Variants in TMEM163 observed in about 807,000 individuals in gnomAD.
TMEM163 encodes the protein transmembrane protein 163.
Under a neutral mutation model 29.3 loss-of-function variants are expected in TMEM163, and 17 were observed. That is an observed-to-expected ratio of 0.58 (90% CI 0.40 to 0.87). The LOEUF (loss-of-function observed/expected upper bound fraction) is 0.87, where lower values mean the gene tolerates loss of function less well. Among genes scored for constraint, TMEM163 ranks in the 40% least tolerant of loss-of-function variants. The probability of loss-of-function intolerance (pLI) is 0.00; values close to 1 mark genes in which losing one functional copy is unlikely to be tolerated. For synonymous variants in TMEM163, 157 were observed against 160.6 expected (o/e 0.98, Z 0.17); for missense variants, 303 against 381.5 (o/e 0.79, Z 1.71).
intron 2 of TMEM163, among the ~76,000 whole-genome samples, chr2:134,593,303 A>G (rs552144430): frequency 6.6e-6 from 1 of 152,314 alleles, no homozygotes; most frequent in African/African-American, 2.4e-5. Context: ...CATTCACTTA[A>G]GATTGCATTA....
chr2:134,480,644 C>G (rs1687032073), intron 5 of TMEM163, among the ~76,000 whole-genome samples: 1 of 152,094 alleles, frequency 6.6e-6, no homozygotes, highest in Non-Finnish European at 1.5e-5. Context: ...TGGGATAAAG[C>G]AGTCAGTGGC....
chr2:134,516,780 C>CATATATACATGCATATATATGAAT (rs1553476347), intron 4 of TMEM163, among the ~76,000 whole-genome samples: 22 of 139,460 alleles, frequency 1.6e-4, no homozygotes, highest in Admixed American at 7.4e-5. Flanking sequence ...CATATCTATT[C>CATATATACATGCATATATATGAAT]ATATATATAT....
chr2:134,611,194 G>A (rs1330032168), intron 2 of TMEM163, among the ~76,000 whole-genome samples: 2 of 152,152 alleles, frequency 1.3e-5, no homozygotes, highest in African/African-American at 4.8e-5. Flanking sequence ...GTAGAATCCA[G>A]GCTGTCCCAA....
chr2:134,568,970 T>C (rs1681362184), intron 2 of TMEM163, among the ~76,000 whole-genome samples: 1 of 152,176 alleles, frequency 6.6e-6, no homozygotes, highest in Admixed American at 6.5e-5. Context: ...CTCCATGAAA[T>C]CACTATGCCA....
chr2:134,458,543 A>C (rs553141878), intron 6 of TMEM163: 1 of 204,970 alleles, frequency 4.9e-6, no homozygotes, highest in African/African-American at 2.2e-5. Context: ...CACAGTAGAC[A>C]TTCAAATACT....
chr2:134,642,395 C>A lies in TMEM163; in HGVS notation c.322+70805G>T, dbSNP rs1022762054. Among the ~76,000 whole-genome samples, 9 of 152,224 alleles carry A rather than the reference C, an allele frequency of 5.9e-5. 1 individual carries two copies. The South Asian group carries it at 1.9e-3, about 32-fold the overall frequency. On this transcript the variant is annotated intron_variant, in intron 2 of 7. Transcript: ENST00000281924. The stretch of plus-strand genomic sequence containing the variant: ...TCCACCCGCCTTGACCTCCCACAGT[C>A]CTGGCATTACAGGCACGAGCCACCG...
intron 2 of TMEM163, among the ~76,000 whole-genome samples, chr2:134,649,884 T>C (rs1172497957): frequency 6.6e-6 from 1 of 151,496 alleles, no homozygotes; most frequent in Non-Finnish European, 1.5e-5. Flanking sequence ...CACAGGCCTG[T>C]AGTCCCAGCT....
chr2:134,483,294 G>A (rs1374630924), intron 5 of TMEM163, among the ~76,000 whole-genome samples: 2 of 152,068 alleles, frequency 1.3e-5, no homozygotes, highest in African/African-American at 2.4e-5. Context: ...TCCCTCCCCT[G>A]GTGGCCGTCG....
chr2:134,569,474 C>T (rs551615877), intron 2 of TMEM163, among the ~76,000 whole-genome samples: 1 of 152,292 alleles, frequency 6.6e-6, no homozygotes, highest in South Asian at 2.1e-4. Context: ...AAAAAGAACA[C>T]TTGGAAAACA....
chr2:134,521,451 A>G (rs1680187705), intron 4 of TMEM163, among the ~76,000 whole-genome samples: 4 of 152,190 alleles, frequency 2.6e-5, no homozygotes, highest in Admixed American at 2.6e-4. Context: ...GCCTCTGGTG[A>G]GTAGAGCTCA....
At chr2:134,574,437 G>A (rs1003544102) in intron 2 of TMEM163, among the ~76,000 whole-genome samples, 35 of 152,048 alleles carry the variant, frequency 2.3e-4, no homozygotes, top group Admixed American at 5.2e-4. Flanking sequence ...GCATGCACCT[G>A]TAGTCCCAGC....
Position 134,616,840 on chromosome 2 carries a change from C to T in TMEM163, c.323-64749G>A, listed in dbSNP as rs116141814. ...AATTCTTATGAATTTACAAATATTT[C>T]AAAATAAAATGGTTTTTAAAATGAA... On this transcript the variant is annotated intron_variant, in intron 2 of 7. Coordinates refer to ENST00000281924, the MANE Select transcript of TMEM163 (RefSeq NM_030923.5). Among the ~76,000 whole-genome samples the T allele has an allele frequency of 2.5e-3, 387 of 152,202 alleles. 1 individual carries two copies. Among genetic ancestry groups the T allele is most frequent in the African/African-American group, 9.2e-3 (381 of 41,524 alleles).
intron 5 of TMEM163, among the ~76,000 whole-genome samples, chr2:134,493,163 A>G (rs769102063): frequency 1.3e-5 from 2 of 152,120 alleles, no homozygotes; most frequent in African/African-American, 4.8e-5. Flanking sequence ...CATAAATCAT[A>G]TAAGTCCCTT....
chr2:134,538,261 G>T (rs545981346), intron 4 of TMEM163, among the ~76,000 whole-genome samples: 3 of 152,246 alleles, frequency 2.0e-5, no homozygotes, highest in African/African-American at 7.2e-5. Flanking sequence ...TGCCTCTTGG[G>T]CCATATGAGG....
At chr2:134,516,721 T>TCATATATATG (rs1355640783) in intron 4 of TMEM163, among the ~76,000 whole-genome samples, 16 of 106,838 alleles carry the variant, frequency 1.5e-4, no homozygotes, top group African/African-American at 4.6e-4. Flanking sequence ...ACATATATAT[T>TCATATATATG]CATATATATG....
intron 2 of TMEM163, among the ~76,000 whole-genome samples, chr2:134,592,869 G>GATAGATAGATAGAT (rs147345127): frequency 1.4e-5 from 2 of 148,094 alleles, no homozygotes; most frequent in African/African-American, 5.0e-5. Flanking sequence ...TATTAATATA[G>GATAGATAGATAGAT]AGATAGATAG....
intron 2 of TMEM163, among the ~76,000 whole-genome samples, chr2:134,668,012 C>T (rs1174778141): frequency 6.6e-5 from 10 of 152,248 alleles, no homozygotes; most frequent in East Asian, 3.9e-4. Context: ...CCAGCCCTGC[C>T]GAGGGCAGCA....
intron 2 of TMEM163, among the ~76,000 whole-genome samples, chr2:134,689,616 G>A (rs899659262): frequency 1.1e-4 from 17 of 152,140 alleles, no homozygotes; most frequent in African/African-American, 3.9e-4. Context: ...TCAGGGATGG[G>A]GCTTCCTTGA....
chr2:134,487,014 C>T (rs1291654346), intron 5 of TMEM163, among the ~76,000 whole-genome samples: 1 of 152,100 alleles, frequency 6.6e-6, no homozygotes, highest in African/African-American at 2.4e-5. Context: ...AACAAGCAAA[C>T]CTCTTAGCAA....
Sources: gnomAD v4.1 joint callset for allele counts (sites outside exome capture counted in the v4.1 genomes callset) on GRCh38, gnomAD v4.1.1 for gene constraint, MANE v1.5 for transcripts, NCBI Gene and HGNC (gene_info 2026-07-23, HGNC 2026-07-21) for gene names.